Variants in HCRTR2 observed in about 807,000 individuals in gnomAD.
The protein encoded by HCRTR2 is orexin receptor type 2.
Under a neutral mutation model 49.0 loss-of-function variants are expected in HCRTR2, and 22 were observed. The observed-to-expected ratio is 0.45, with a 90% CI of 0.32 to 0.64. The LOEUF is 0.64. Among genes scored for constraint, HCRTR2 ranks in the 30% least tolerant of loss-of-function variants. HCRTR2 has a pLI of 0.04. For synonymous variants in HCRTR2, 236 were observed against 205.3 expected, an observed-to-expected ratio of 1.15 and a Z score of -1.28; for missense variants, 491 against 559.4, an observed-to-expected ratio of 0.88 and a Z score of 1.23.
chr6:55,266,557 G>A (rs534737414), intron 4 of HCRTR2, among the ~76,000 whole-genome samples: 1 of 152,268 alleles, frequency 6.6e-6, no homozygotes, highest in South Asian at 2.1e-4. Flanking sequence ...TTCAGATTTT[G>A]TTGGGGAATG....
chr6:55,234,786 G>A lies in HCRTR2; in HGVS notation c.224-13853G>A, dbSNP rs575211207. ...ACCAAGCACTTTAGAAAACTTAACG[G>A]CAGTTATGTAGTAATGGTGATCATA... On this transcript the variant is annotated intron_variant, in intron 1 of 6. Coordinates refer to ENST00000370862, the MANE Select transcript of HCRTR2 (RefSeq NM_001384272.1). 3.3e-5 allele frequency among the ~76,000 whole-genome samples: 5 copies of A among 152,198 alleles called. No individual in the cohort carries two copies. The East Asian group carries it at 7.7e-4, about 24-fold the overall frequency.
upstream of HCRTR2, among the ~76,000 whole-genome samples, chr6:55,173,718 C>T (rs534983033): frequency 2.0e-5 from 3 of 152,282 alleles, no homozygotes; most frequent in South Asian, 4.1e-4. Context: ...TGACACTTGG[C>T]GTCCTTCAAG....
intron 1 of HCRTR2, among the ~76,000 whole-genome samples, chr6:55,160,279 C>A (rs1269951262): frequency 1.3e-5 from 2 of 152,170 alleles, no homozygotes; most frequent in Non-Finnish European, 2.9e-5. Flanking sequence ...TACAGACAAG[C>A]AAATGCTGAG....
At chr6:55,186,097 T>A (rs1276365290) in intron 1 of HCRTR2, among the ~76,000 whole-genome samples, 1 of 152,238 alleles carries the variant, frequency 6.6e-6, no homozygotes, top group African/African-American at 2.4e-5. Flanking sequence ...ATTGTTCATT[T>A]TTCTGTTGTC....
chr6:55,264,469 C>A (rs1346345406), intron 4 of HCRTR2, among the ~76,000 whole-genome samples: 1 of 152,060 alleles, frequency 6.6e-6, no homozygotes, highest in Non-Finnish European at 1.5e-5. Flanking sequence ...ATGTCTCACA[C>A]AAAAGCTAAA....
At chr6:55,215,155 G>A (rs967294300) in intron 1 of HCRTR2, among the ~76,000 whole-genome samples, 2 of 152,046 alleles carry the variant, frequency 1.3e-5, no homozygotes, top group Non-Finnish European at 2.9e-5. Flanking sequence ...CAAAAGCCAA[G>A]GACAAAGAAG....
intron 1 of HCRTR2, among the ~76,000 whole-genome samples, chr6:55,192,413 G>GCGCGCA (rs139180472): frequency 1.8e-3 from 225 of 128,516 alleles, no homozygotes; most frequent in South Asian, 4.4e-3. Flanking sequence ...GCGCGCGCGC[G>GCGCGCA]CACACACACA....
At chr6:55,226,711 G>GTTTTTTTTTTTTTTTTTTTT (rs777871106) in intron 1 of HCRTR2, among the ~76,000 whole-genome samples, 2 of 74,254 alleles carry the variant, frequency 2.7e-5, no homozygotes, top group African/African-American at 1.2e-4. Flanking sequence ...AATTCCAGGT[G>GTTTTTTTTTTTTTTTTTTTT]TTTTTTTTTT....
intron 4 of HCRTR2, among the ~76,000 whole-genome samples, chr6:55,273,751 C>G (rs1767019394): frequency 1.5e-5 from 1 of 66,756 alleles, no homozygotes; most frequent in Non-Finnish European, 4.1e-5. Flanking sequence ...GAATACTTAC[C>G]TTTCCTTCCC....
At chr6:55,265,149 T>A (rs924646437) in intron 4 of HCRTR2, among the ~76,000 whole-genome samples, 2 of 152,154 alleles carry the variant, frequency 1.3e-5, no homozygotes, top group African/African-American at 4.8e-5. Context: ...CCCATCATTT[T>A]TTACTATAAA....
At chr6:55,193,495 C>T (rs1765356275) in intron 1 of HCRTR2, among the ~76,000 whole-genome samples, 2 of 151,240 alleles carry the variant, frequency 1.3e-5, no homozygotes, top group Admixed American at 1.3e-4. Flanking sequence ...AAAGAAACAA[C>T]AACAACAACA....
rs149486739 is a variant in HCRTR2 at position 55,246,827 on chromosome 6, G to A, written c.224-1812G>A. ...TAGTTAATAATTTAAAAAATGCTTAGAACAAGGCACAGCACATAGTAATGA... is the reference window on the plus strand; with the variant it reads ...TAGTTAATAATTTAAAAAATGCTTAAAACAAGGCACAGCACATAGTAATGA... On this transcript the variant is annotated intron_variant, in intron 1 of 6. Coordinates refer to ENST00000370862, the MANE Select transcript of HCRTR2 (RefSeq NM_001384272.1). 1.1e-3 allele frequency among the ~76,000 whole-genome samples: 173 copies of A among 152,060 alleles called. 2 individuals are homozygous for A. Among genetic ancestry groups the A allele is most frequent in the Non-Finnish European group, 1.8e-4 (12 of 67,950 alleles).
intron 1 of HCRTR2, among the ~76,000 whole-genome samples, chr6:55,209,727 T>C (rs1032875605): frequency 6.6e-6 from 1 of 152,210 alleles, no homozygotes; most frequent in African/African-American, 2.4e-5. Flanking sequence ...ACTTCAAGTG[T>C]TGGCAATACT....
chr6:55,169,964 A>G (rs541349824), upstream of HCRTR2, among the ~76,000 whole-genome samples: 1 of 152,200 alleles, frequency 6.6e-6, no homozygotes, highest in African/African-American at 2.4e-5. Context: ...CCTGCAAAAA[A>G]GATGATCTCT....
rs202124703 is a variant in HCRTR2 at position 55,255,162 on chromosome 6, C to T, written c.429C>T (p.Leu143=). Reference sequence around the variant, plus strand: ...CCGTGTCGGTGTCTGTGTCTGTCCTCACACTGAGCTGTATCGCCTTGGATC... The same window carrying T: ...CCGTGTCGGTGTCTGTGTCTGTCCTTACACTGAGCTGTATCGCCTTGGATC... ...LQTVSVSVSV[L]TLSCIALDRW... is the part of the protein sequence containing the mutation. Residue 143 remains leucine, a synonymous_variant, in exon 3 of 7, where the codon CTC becomes CTT. Coordinates refer to ENST00000370862, the MANE Select transcript of HCRTR2 (RefSeq NM_001384272.1). 79 of 1,613,796 alleles carry T rather than the reference C, an allele frequency of 4.9e-5. No homozygotes were observed. The highest frequency in any genetic ancestry group is 6.5e-5 in the Non-Finnish European group (77 of 1,179,902).
At chr6:55,282,822 T>C (rs1001256895), downstream of HCRTR2, among the ~76,000 whole-genome samples, 1 of 152,160 alleles carries the variant, frequency 6.6e-6, no homozygotes, top group Non-Finnish European at 1.5e-5. Context: ...CCAATGATTT[T>C]TTTTGCTACT....
upstream of HCRTR2, among the ~76,000 whole-genome samples, chr6:55,173,021 A>G (rs985854876): frequency 6.6e-6 from 1 of 152,210 alleles, no homozygotes; most frequent in African/African-American, 2.4e-5. Flanking sequence ...CTAAAGGAAG[A>G]CCAAACAGAT....
At chr6:55,124,493 C>T (rs1041238631) in intron 1 of HCRTR2, among the ~76,000 whole-genome samples, 2 of 151,212 alleles carry the variant, frequency 1.3e-5, no homozygotes, top group Non-Finnish European at 3.0e-5. Flanking sequence ...TTGCAATTTC[C>T]GTTCTTTTGC....
intron 1 of HCRTR2, among the ~76,000 whole-genome samples, chr6:55,124,797 A>T (rs535775892): frequency 1.3e-5 from 2 of 152,156 alleles, no homozygotes; most frequent in African/African-American, 4.8e-5. Flanking sequence ...TTGCTCCTGT[A>T]TTTGATGCAT....
Sources: allele counts gnomAD v4.1 joint callset (sites outside exome capture counted in the v4.1 genomes callset), GRCh38; gene constraint gnomAD v4.1.1; transcripts MANE v1.5; gene names NCBI Gene and HGNC (gene_info 2026-07-23, HGNC 2026-07-21).